IL1RAPL1: variants seen among roughly 807,000 people sequenced by gnomAD.
The protein encoded by IL1RAPL1 is interleukin 1 receptor accessory protein like 1, also known as interleukin-1 receptor accessory protein-like 1.
A neutral mutation model predicts 48.4 loss-of-function variants in IL1RAPL1; 3 were observed. That is an observed-to-expected ratio of 0.06 (90% CI 0.03 to 0.16). The LOEUF is 0.16. Ranked by LOEUF, IL1RAPL1 falls within the 10% of genes least tolerant of loss-of-function variation. IL1RAPL1 has a pLI of 1.00. For synonymous variants in IL1RAPL1, 185 were observed against 187.7 expected (o/e 0.99, Z 0.12); for missense variants, 349 against 530.6 (o/e 0.66, Z 3.36).
At chrX:29,080,740 A>G (rs1219280775) in intron 2 of IL1RAPL1, among the ~76,000 whole-genome samples, 1 of 106,658 alleles carries the variant, frequency 9.4e-6, no homozygotes, top group Non-Finnish European at 1.9e-5. Flanking sequence ...CTTCCAAGCA[A>G]ATACTTTTTT....
chrX:29,397,723 A>G (rs1480435886), intron 4 of IL1RAPL1, among the ~76,000 whole-genome samples: 1 of 111,550 alleles, frequency 9.0e-6, no homozygotes, highest in African/African-American at 3.3e-5. Context: ...GGGGAGTGGT[A>G]TTAGGGGAAT....
chrX:28,945,887 G>GTGTATA (rs1555943996), intron 2 of IL1RAPL1, among the ~76,000 whole-genome samples: 5 of 58,426 alleles, frequency 8.6e-5, no homozygotes, highest in African/African-American at 2.2e-4. Context: ...ATATATGTAT[G>GTGTATA]TATATATATA....
chrX:29,333,288 C>A (rs1266951619), intron 3 of IL1RAPL1, among the ~76,000 whole-genome samples: 2 of 108,875 alleles, frequency 1.8e-5, no homozygotes, highest in South Asian at 4.1e-4. Context: ...CTGACCCCCC[C>A]CACCATCCTC....
intron 6 of IL1RAPL1, among the ~76,000 whole-genome samples, chrX:29,855,978 A>G (rs1416402037): frequency 9.0e-6 from 1 of 110,942 alleles, no homozygotes; most frequent in African/African-American, 3.3e-5. Context: ...AATCTTTTCT[A>G]CATCAAAAAC....
chrX:29,113,198 C>T (rs1360988402), intron 2 of IL1RAPL1, among the ~76,000 whole-genome samples: 1 of 112,002 alleles, frequency 8.9e-6, no homozygotes, highest in Admixed American at 9.5e-5. Context: ...TCATTTAGCC[C>T]TATGTAAATG....
intron 3 of IL1RAPL1, among the ~76,000 whole-genome samples, chrX:29,354,077 ATTG>A (rs1933270713): frequency 9.0e-6 from 1 of 110,767 alleles, no homozygotes; most frequent in Non-Finnish European, 1.9e-5. Context: ...GTGCGTTTTA[ATTG>A]TTATCTTCAT....
intron 1 of IL1RAPL1, among the ~76,000 whole-genome samples, chrX:28,634,350 T>A (rs185125269): frequency 0.082 from 8,938 of 109,015 alleles, 303 homozygotes; most frequent in African/African-American, 0.13. Context: ...TGTGTGTATA[T>A]GTATATATGT....
intron 6 of IL1RAPL1, among the ~76,000 whole-genome samples, chrX:29,770,491 G>A (rs1407651925): frequency 8.9e-6 from 1 of 111,922 alleles, no homozygotes; most frequent in East Asian, 2.8e-4. Flanking sequence ...TTGAATGCTC[G>A]CTATGTGCCA....
rs147150663 is a variant in IL1RAPL1 at position 28,880,804 on chromosome X, C to T, written c.82+91379C>T. Among the ~76,000 whole-genome samples the T allele has an allele frequency of 2.2e-3, 243 of 111,494 alleles. 1 individual carries two copies. The highest frequency in any genetic ancestry group is 7.5e-3 in the African/African-American group (230 of 30,792). On this transcript the variant is annotated intron_variant, in intron 2 of 10. Transcript: ENST00000378993. ...TAACTATAAATTTTGTCTTATTTCACAAAATTTCCAATGACTTCTCTCCCA... is the reference window on the plus strand; with the variant it reads ...TAACTATAAATTTTGTCTTATTTCATAAAATTTCCAATGACTTCTCTCCCA...
intron 2 of IL1RAPL1, among the ~76,000 whole-genome samples, chrX:28,794,511 C>A (rs903711106): frequency 9.0e-6 from 1 of 111,503 alleles, no homozygotes; most frequent in African/African-American, 3.3e-5. Context: ...TAAGTGGCTG[C>A]ATTACCAAAA....
chrX:29,539,369 G>T (rs1005271951), intron 5 of IL1RAPL1, among the ~76,000 whole-genome samples: 1 of 111,438 alleles, frequency 9.0e-6, no homozygotes, highest in Admixed American at 9.5e-5. Flanking sequence ...ATTGCTTCAC[G>T]TTAAAAACCC....
intron 5 of IL1RAPL1, among the ~76,000 whole-genome samples, chrX:29,666,504 A>C (rs756560762): frequency 9.3e-6 from 1 of 107,939 alleles, no homozygotes; most frequent in South Asian, 4.2e-4. Context: ...AACATTCTAT[A>C]ATTCCATGAC....
intron 5 of IL1RAPL1, among the ~76,000 whole-genome samples, chrX:29,597,400 G>A (rs1179460125): frequency 5.4e-5 from 6 of 111,248 alleles, no homozygotes; most frequent in Admixed American, 9.5e-5. Flanking sequence ...TGATCCACCC[G>A]CCTCGGCCTC....
intron 1 of IL1RAPL1, among the ~76,000 whole-genome samples, chrX:28,630,879 G>A (rs1934392321): frequency 8.9e-6 from 1 of 112,038 alleles, no homozygotes. Flanking sequence ...TGCTAACGGT[G>A]AAGAAGCCAA....
chrX:29,729,691 A>T (rs1927868062), intron 6 of IL1RAPL1, among the ~76,000 whole-genome samples: 1 of 111,173 alleles, frequency 9.0e-6, no homozygotes, highest in Admixed American at 9.6e-5. Context: ...AATGTAGTAT[A>T]TTTAATGTTT....
chrX:29,599,577 G>A (rs1052194294), intron 5 of IL1RAPL1, among the ~76,000 whole-genome samples: 2 of 111,885 alleles, frequency 1.8e-5, no homozygotes, highest in African/African-American at 6.5e-5. Context: ...AATAAGGCTG[G>A]GGAAGTTTTC....
chrX:29,652,482 A>AG (rs1986561292), intron 5 of IL1RAPL1, among the ~76,000 whole-genome samples: 1 of 111,440 alleles, frequency 9.0e-6, no homozygotes, highest in South Asian at 3.7e-4. Context: ...GAAGAAAAGG[A>AG]GGGGCATTCT....
rs1054586432 is a variant in IL1RAPL1 at position 29,744,712 on chromosome X, A to G, written c.778+76208A>G. Among the ~76,000 whole-genome samples, 3 of 112,312 alleles carry G rather than the reference A, an allele frequency of 2.7e-5. No individual in the cohort carries two copies. In the Admixed American group the frequency reaches 2.8e-4, roughly 11 times the overall value. The stretch of plus-strand genomic sequence containing the variant: ...AGAAGTAATTTCAATTATATAATAA[A>G]TAAAAGCTGCTTTGCCTCAGCATAT... On this transcript the variant is annotated intron_variant, in intron 6 of 10. Transcript: ENST00000378993.
At chrX:29,495,909 C>T (rs1331960157) in intron 5 of IL1RAPL1, among the ~76,000 whole-genome samples, 2 of 110,670 alleles carry the variant, frequency 1.8e-5, no homozygotes, top group Non-Finnish European at 3.8e-5. Flanking sequence ...GTCTGTCTCT[C>T]CCCTTGAACA....
Sources: allele counts gnomAD v4.1 joint callset (sites outside exome capture counted in the v4.1 genomes callset), GRCh38; gene constraint gnomAD v4.1.1; transcripts MANE v1.5; gene names NCBI Gene and HGNC (gene_info 2026-07-23, HGNC 2026-07-21).